PGAP1: variants seen among roughly 807,000 people sequenced by gnomAD.
PGAP1 encodes the protein GPI inositol-deacylase.
In PGAP1, 76 loss-of-function variants were observed where a neutral mutation model predicts 127.0. The observed-to-expected ratio is 0.60, with a 90% CI of 0.50 to 0.72. The LOEUF (loss-of-function observed/expected upper bound fraction) is 0.72. Among genes scored for constraint, PGAP1 ranks in the 30% least tolerant of loss-of-function variants. PGAP1 has a pLI of 0.00. For synonymous variants in PGAP1, 362 were observed against 366.5 expected (o/e 0.99, Z 0.14); for missense variants, 982 against 1,071.3 (o/e 0.92, Z 1.16).
At chr2:196,844,141 T>C (rs1014421958) in intron 24 of PGAP1, 66 bp from the exon 25 acceptor site, 40 of 940,068 alleles carry the variant, frequency 4.3e-5, no homozygotes, top group Admixed American at 2.4e-4. Flanking sequence ...TTTAGAATCA[T>C]ACTCATTACT....
intron 2 of PGAP1, among the ~76,000 whole-genome samples, chr2:196,917,220 A>T (rs1029152901): frequency 1.3e-5 from 2 of 152,140 alleles, no homozygotes; most frequent in African/African-American, 2.4e-5. Flanking sequence ...AAATCTTTTT[A>T]AAAAATATAT....
rs538736550 is a variant in PGAP1 at position 196,894,130 on chromosome 2, A to G, written c.928-885T>C. Among the ~76,000 whole-genome samples the G allele has an allele frequency of 2.6e-5, 4 of 152,318 alleles. No homozygotes were observed. In the South Asian group the frequency reaches 8.3e-4, roughly 32 times the overall value. On this transcript the variant is annotated intron_variant, in intron 7 of 26. Coordinates refer to ENST00000354764, the MANE Select transcript of PGAP1 (RefSeq NM_024989.4). ...TAGAGCAAATAACTGATTCCTTATT[A>G]CACTGCTATCTTAGATTGGGAGACA... is the stretch of plus-strand genomic sequence containing the variant.
intron 1 of PGAP1, among the ~76,000 whole-genome samples, chr2:196,921,181 G>A (rs1703182161): frequency 1.1e-5 from 1 of 94,556 alleles, no homozygotes; most frequent in Non-Finnish European, 2.4e-5. Context: ...GAAAACCCTC[G>A]TTGTTCTAAA....
At chr2:196,885,801 TGA>T in intron 11 of PGAP1, 31 bp downstream of exon 11, 1 of 1,355,678 alleles carries the variant, frequency 7.4e-7, no homozygotes, top group Non-Finnish European at 9.7e-7. Context: ...TTGTTTATGT[TGA>T]GATAAATGAA....
intron 20 of PGAP1, among the ~76,000 whole-genome samples, chr2:196,861,703 C>T (rs941484163): frequency 6.6e-5 from 10 of 152,174 alleles, no homozygotes; most frequent in South Asian, 6.2e-4. Flanking sequence ...ATGGAGGGAC[C>T]GGCTGAAGCC....
intron 17 of PGAP1, 80 bp from the exon 18 acceptor site, chr2:196,872,629 T>G (rs971883558): frequency 1.1e-5 from 10 of 947,020 alleles, no homozygotes; most frequent in African/African-American, 1.6e-5. Context: ...CTCAGCACAA[T>G]ACAACTGAAT....
At chr2:196,900,616 C>A (rs1187773525) in intron 5 of PGAP1, among the ~76,000 whole-genome samples, 1 of 152,128 alleles carries the variant, frequency 6.6e-6, no homozygotes, top group East Asian at 1.9e-4. Flanking sequence ...TCAGAGATAA[C>A]AAGCTCCCTT....
Position 196,841,414 on chromosome 2 carries a change from C to G in PGAP1, c.2631-42G>C, listed in dbSNP as rs571052067. ...AAATATACATTACTTATGTGAACTA[C>G]ATTGTGAGCCAAAATTATATCAATC... On this transcript the variant is annotated intron_variant, in intron 26 of 26. Coordinates refer to ENST00000354764, the MANE Select transcript of PGAP1 (RefSeq NM_024989.4). 4.4e-4 allele frequency: 633 copies of G among 1,442,554 alleles called. 8 individuals carry two copies. The South Asian group carries it at 7.5e-3, about 17-fold the overall frequency. 89.4% of individuals were successfully genotyped at this position (1,442,554 alleles called of 1,614,324 possible).
At chr2:196,891,006 A>C in intron 9 of PGAP1, 95 bp from the exon 10 acceptor site, 1 of 634,034 alleles carries the variant, frequency 1.6e-6, no homozygotes, top group Non-Finnish European at 2.8e-6. Flanking sequence ...AATTATTCTA[A>C]TTCTATCATT....
intron 8 of PGAP1, 62 bp from the exon 9 acceptor site, chr2:196,892,463 C>G: frequency 1.4e-6 from 1 of 721,920 alleles, no homozygotes; most frequent in Non-Finnish European, 2.4e-6. Context: ...TAGTTTCTTT[C>G]TTCTTTGAAT....
At chr2:196,875,626 A>G (rs1366910932) in intron 14 of PGAP1, 120 bp downstream of exon 14, 1 of 642,380 alleles carries the variant, frequency 1.6e-6, no homozygotes, top group Non-Finnish European at 2.8e-6. Flanking sequence ...ACCACATCAT[A>G]TAGTTATTCT....
chr2:196,862,560 TA>T (rs996170352), intron 20 of PGAP1, among the ~76,000 whole-genome samples: 1 of 152,212 alleles, frequency 6.6e-6, no homozygotes, highest in African/African-American at 2.4e-5. Context: ...AAATCTCTAA[TA>T]AAAACTTGCT....
intron 10 of PGAP1, among the ~76,000 whole-genome samples, chr2:196,886,691 A>C (rs919108198): frequency 6.6e-6 from 1 of 152,028 alleles, no homozygotes; most frequent in Non-Finnish European, 1.5e-5. Context: ...CCATTTGGTT[A>C]CCAGCAAATA....
Position 196,872,498 on chromosome 2 carries a change from T to C in PGAP1, c.1671A>G (p.Glu557=), listed in dbSNP as rs151002005. The part of the protein sequence containing the change: ...ISLKLHIAQP[E]NNTHVALFKM... ...TAAATAATGCCACATGGGTATTGTT[T>C]TCTGGTTGAGCAATATGGAGTTTCA... Residue 557 remains glutamate (E), a synonymous_variant, in exon 18 of 27, where the codon GAA becomes GAG. Transcript: ENST00000354764. The C allele has an allele frequency of 1.9e-6, 3 of 1,613,470 alleles. No individual in the cohort carries two copies. The African/African-American group carries it at 4.0e-5, about 22-fold the overall frequency.
At position 196,839,656 on chromosome 2, in the gene PGAP1, C is replaced by T. The variant is rs1163636202; in HGVS notation, c.*1578G>A. On this transcript the variant is annotated 3_prime_UTR_variant, in exon 27 of 27. Transcript: ENST00000354764. ...TCAGAGATGAGAGCAAGACTCCCTT[C>T]AACTGAGGCCAAAATAGCCAGGACC... The T allele has an allele frequency of 6.6e-6, 1 of 152,202 alleles. No homozygotes were observed. Among genetic ancestry groups the T allele is most frequent in the Non-Finnish European group, 1.5e-5 (1 of 68,058 alleles). 9.4% of individuals were successfully genotyped at this position (152,202 alleles called of 1,614,324 possible).
chr2:196,900,796 G>A (rs1294556985), intron 5 of PGAP1, among the ~76,000 whole-genome samples: 9 of 152,082 alleles, frequency 5.9e-5, no homozygotes, highest in Non-Finnish European at 1.2e-4. Flanking sequence ...GCATGGTGGC[G>A]GACGCCTGTA....
At position 196,872,954 on chromosome 2, in the gene PGAP1, A is replaced by G. The variant is rs2125800327; in HGVS notation, c.1619+6T>C. On this transcript the variant is annotated splice_donor_region_variant and intron_variant, in intron 17 of 26. Transcript: ENST00000354764. ...AAGTTTAAAGTAAATTCTTTCAAAT[A>G]CTTACTGTGCAATGGTTAGTGAATC... 2 of 941,102 alleles carry G rather than the reference A, an allele frequency of 2.1e-6. No individual in the cohort carries two copies. Among genetic ancestry groups the G allele is most frequent in the East Asian group, 5.2e-5 (2 of 38,286 alleles). The allele number at this position is 941,102 out of a possible 1,614,324, so 58.3% of individuals were successfully genotyped here. A position where few individuals can be genotyped will look rare whatever the true frequency, so the allele number is the denominator to read the frequency against.
At chr2:196,921,104 T>C (rs1283718283) in intron 1 of PGAP1, among the ~76,000 whole-genome samples, 2 of 151,806 alleles carry the variant, frequency 1.3e-5, no homozygotes, top group Non-Finnish European at 2.9e-5. Context: ...ACATGTGGCA[T>C]GTGCTTGATA....
chr2:196,904,933 T>G (rs1438978129), intron 4 of PGAP1, among the ~76,000 whole-genome samples: 1 of 152,146 alleles, frequency 6.6e-6, no homozygotes, highest in African/African-American at 2.4e-5. Flanking sequence ...TTTCAACAAG[T>G]ATAAACAGGG....
Sources: gnomAD v4.1 joint callset for allele counts (sites outside exome capture counted in the v4.1 genomes callset) on GRCh38, gnomAD v4.1.1 for gene constraint, MANE v1.5 for transcripts, NCBI Gene and HGNC (gene_info 2026-07-23, HGNC 2026-07-21) for gene names.